ATL2: variants seen among roughly 807,000 people sequenced by gnomAD.
The protein encoded by ATL2 is atlastin-2.
Under a neutral mutation model 73.9 loss-of-function variants are expected in ATL2, and 31 were observed. The ratio of observed to expected loss-of-function variants is 0.42; its 90% confidence interval spans 0.32 to 0.57. The LOEUF (loss-of-function observed/expected upper bound fraction) is 0.57. Among genes scored for constraint, ATL2 ranks in the 20% least tolerant of loss-of-function variants. ATL2 has a pLI of 0.14. For synonymous variants in ATL2, 291 were observed against 237.5 expected, an observed-to-expected ratio of 1.23 and a Z score of -2.07; for missense variants, 738 against 702.6, an observed-to-expected ratio of 1.05 and a Z score of -0.57.
intron 1 of ATL2, among the ~76,000 whole-genome samples, chr2:38,367,893 A>G (rs1473306390): frequency 4.0e-5 from 6 of 151,390 alleles, no homozygotes. Context: ...TTGGCCTCCT[A>G]AAGTGCTGGG....
At position 38,298,489 on chromosome 2, in the gene ATL2, A is replaced by G. The variant is rs1311330990; in HGVS notation, c.1287T>C (p.Phe429=). The G allele has an allele frequency of 1.9e-6, 3 of 1,614,040 alleles. No individual in the cohort carries two copies. The highest frequency in any genetic ancestry group is 3.3e-5 in the Admixed American group (2 of 59,996). The part of the protein sequence containing the change: ...LDLKEVAIKQ[F]RSVKKMGGDE... ...CTCCACCCATCTTTTTTACTGAACG[A>G]AATTGTTTTATCGCCACTTCCTTGA... The change falls in exon 12 of 13, where the codon TTT becomes TTC. Residue 429 remains phenylalanine (F), a synonymous_variant. Transcript: ENST00000378954.
chr2:38,338,081 A>G (rs1323285758), intron 2 of ATL2, among the ~76,000 whole-genome samples: 1 of 152,216 alleles, frequency 6.6e-6, no homozygotes, highest in Non-Finnish European at 1.5e-5. Flanking sequence ...TCCTACAGAC[A>G]CTGGAATAAT....
At chr2:38,309,251 G>A (rs1449153182) in intron 9 of ATL2, 128 bp downstream of exon 9, 10 of 926,072 alleles carry the variant, frequency 1.1e-5, no homozygotes, top group Non-Finnish European at 1.5e-5. Context: ...ATTCAAGGCA[G>A]AAAGATAAAT....
chr2:38,305,758 CA>C (rs1667417518), intron 9 of ATL2, among the ~76,000 whole-genome samples: 1 of 150,508 alleles, frequency 6.6e-6, no homozygotes, highest in Non-Finnish European at 1.5e-5. Context: ...CACAACATAC[CA>C]AATATATGGG....
chr2:38,376,374 AG>A lies in ATL2; in HGVS notation c.118+768del, dbSNP rs934410973. ...CACATTCAGCAAAACCAGGGAGCCA[AG>A]GATCAGGTGACTTCACACTACAGAC... On this transcript the variant is annotated intron_variant, in intron 1 of 12. Coordinates refer to ENST00000378954, the MANE Select transcript of ATL2 (RefSeq NM_001135673.4). 3.5e-5 allele frequency: 23 copies of A among 655,682 alleles called. No homozygotes were observed. In the African/African-American group the frequency reaches 3.9e-4, roughly 11 times the overall value. The allele number at this position is 655,682 out of a possible 1,614,324, so 40.6% of individuals were successfully genotyped here.
At chr2:38,374,824 T>C (rs530247656) in intron 1 of ATL2, among the ~76,000 whole-genome samples, 5 of 152,342 alleles carry the variant, frequency 3.3e-5, no homozygotes, top group African/African-American at 4.8e-5. Flanking sequence ...AAGTTACTTA[T>C]ACTTGTGAAT....
chr2:38,331,035 G>T (rs565669118), intron 2 of ATL2, among the ~76,000 whole-genome samples: 1 of 152,202 alleles, frequency 6.6e-6, no homozygotes, highest in Non-Finnish European at 1.5e-5. Context: ...GGGCGTGGTG[G>T]CTCACGCCTG....
At chr2:38,325,663 CA>C (rs1668577419) in intron 2 of ATL2, among the ~76,000 whole-genome samples, 1 of 6,222 alleles carries the variant, frequency 1.6e-4, no homozygotes, top group Non-Finnish European at 3.3e-4. Flanking sequence ...CACACCAGTA[CA>C]CACACACACA....
At chr2:38,336,219 T>C (rs976093823) in intron 2 of ATL2, among the ~76,000 whole-genome samples, 9 of 152,190 alleles carry the variant, frequency 5.9e-5, no homozygotes, top group African/African-American at 9.7e-5. Flanking sequence ...CAACATCCCA[T>C]AGGGCTCATT....
chr2:38,301,933 C>T (rs1667211861), intron 9 of ATL2, among the ~76,000 whole-genome samples: 1 of 152,204 alleles, frequency 6.6e-6, no homozygotes, highest in East Asian at 1.9e-4. Context: ...GTCTTTCCTT[C>T]TGCGTGAGGA....
At chr2:38,340,896 T>C (rs908479824) in intron 2 of ATL2, among the ~76,000 whole-genome samples, 3 of 152,196 alleles carry the variant, frequency 2.0e-5, no homozygotes, top group Non-Finnish European at 4.4e-5. Context: ...AGCCACTAAC[T>C]AGATGTATAA....
chr2:38,344,459 A>C (rs1475109087), intron 1 of ATL2, among the ~76,000 whole-genome samples: 1 of 152,054 alleles, frequency 6.6e-6, no homozygotes, highest in Non-Finnish European at 1.5e-5. Context: ...AAAATACAAA[A>C]ATTAGCTGGG....
At chr2:38,324,296 T>C (rs1041427744) in intron 2 of ATL2, among the ~76,000 whole-genome samples, 8 of 152,026 alleles carry the variant, frequency 5.3e-5, no homozygotes, top group Non-Finnish European at 8.8e-5. Flanking sequence ...ACAATCCAAG[T>C]AGTGCTACAA....
At chr2:38,306,564 G>A (rs1350876194) in intron 9 of ATL2, among the ~76,000 whole-genome samples, 1 of 152,150 alleles carries the variant, frequency 6.6e-6, no homozygotes, top group Non-Finnish European at 1.5e-5. Flanking sequence ...GGGATGCAAG[G>A]ACAGTTCAAC....
At chr2:38,317,492 G>A (rs139289885) in intron 4 of ATL2, among the ~76,000 whole-genome samples, 1,634 of 152,198 alleles carry the variant, frequency 0.011, 26 homozygotes, top group African/African-American at 0.038. Flanking sequence ...TTGAATATAA[G>A]TGAAAAAGAG....
Position 38,314,671 on chromosome 2 carries a change from A to C in ATL2, c.655-7T>G. 6.4e-7 allele frequency: 1 copy of C among 1,562,914 alleles called. No homozygotes were observed. Among genetic ancestry groups the C allele is most frequent in the Non-Finnish European group, 8.8e-7 (1 of 1,136,382 alleles). ...TTCCATACTCTGTAAATAACTATTA[A>C]ATAGAGTTAGTTAAAATAATGCCTC... is the stretch of plus-strand genomic sequence containing the variant. On this transcript the variant is annotated splice_polypyrimidine_tract_variant and splice_region_variant and intron_variant, in intron 5 of 12. Transcript: ENST00000378954.
Position 38,313,220 on chromosome 2 carries a change from A to G in ATL2, c.735T>C (p.Asp245=), listed in dbSNP as rs144515476. ...ATGAATGTTCATAAGGATAGCTCCA[A>G]TCTCGAATCAAAAACATTAATGTCT... is the stretch of plus-strand genomic sequence containing the variant. ...PFQTLMFLIR[D]WSYPYEHSYG... Residue 245 remains aspartate, a synonymous_variant, in exon 7 of 13, where the codon GAT becomes GAC. Coordinates refer to ENST00000378954, the MANE Select transcript of ATL2 (RefSeq NM_001135673.4). 34 of 1,611,502 alleles carry G rather than the reference A, an allele frequency of 2.1e-5. No individual in the cohort carries two copies. The African/African-American group carries it at 4.0e-4, about 19-fold the overall frequency.
At chr2:38,336,894 G>C (rs900709017) in intron 2 of ATL2, among the ~76,000 whole-genome samples, 1 of 152,120 alleles carries the variant, frequency 6.6e-6, no homozygotes, top group Non-Finnish European at 1.5e-5. Context: ...GGAAGAATAC[G>C]TCATCATCTA....
intron 12 of ATL2, chr2:38,296,660 A>G (rs1223142847): frequency 4.4e-6 from 7 of 1,580,968 alleles, no homozygotes; most frequent in Non-Finnish European, 6.0e-6. Flanking sequence ...TAAGACTACA[A>G]GAATTTGAGA....
Sources: allele counts gnomAD v4.1 joint callset (sites outside exome capture counted in the v4.1 genomes callset), GRCh38; gene constraint gnomAD v4.1.1; transcripts MANE v1.5; gene names NCBI Gene and HGNC (gene_info 2026-07-23, HGNC 2026-07-21).